BLM: variants seen among roughly 807,000 people sequenced by gnomAD.
BLM encodes recQ-like DNA helicase BLM.
In BLM, 95 loss-of-function variants were observed where a neutral mutation model predicts 135.3. The ratio of observed to expected loss-of-function variants is 0.70; its 90% CI spans 0.59 to 0.83. The LOEUF (loss-of-function observed/expected upper bound fraction) is 0.83. Among genes scored for constraint, BLM ranks in the 40% least tolerant of loss-of-function variants. The pLI is 0.00. For missense variants in BLM, 1,518 were observed against 1,663.9 expected, an observed-to-expected ratio of 0.91 and a Z score of 1.53; for synonymous variants, 520 against 589.2, an observed-to-expected ratio of 0.88 and a Z score of 1.70.
At chr15:90,776,885 C>T (rs1235330092) in intron 12 of BLM, among the ~76,000 whole-genome samples, 1 of 152,136 alleles carries the variant, frequency 6.6e-6, no homozygotes, top group African/African-American at 2.4e-5. Flanking sequence ...AAAACTGTGG[C>T]TATAGATTAG....
chr15:90,746,605 C>T (rs28384969), intron 1 of BLM, among the ~76,000 whole-genome samples: 1,664 of 152,170 alleles, frequency 0.011, 17 homozygotes, highest in Middle Eastern at 0.027. Flanking sequence ...CTAGTGTTAA[C>T]CCTGCCTCCT....
In BLM at chr15:90,769,506, G is replaced by C. The variant is rs147587050; in HGVS notation, c.2475G>C (p.Pro825=). 1.9e-6 allele frequency: 3 copies of C among 1,613,762 alleles called. No individual in the cohort carries two copies. Among genetic ancestry groups the C allele is most frequent in the African/African-American group, 1.3e-5 (1 of 74,856 alleles). Residue 825 remains proline (P), a synonymous_variant, in exon 12 of 22, where the codon CCG becomes CCC. Transcript: ENST00000355112. ...NMLRQKFPSV[P]VMALTATANP... The stretch of plus-strand genomic sequence containing the variant: ...TTCGCCAGAAGTTTCCTTCTGTTCC[G>C]GTGATGGCTCTTACGGCCACAGCTA...
At chr15:90,792,237 C>T (rs1896923933) in intron 15 of BLM, among the ~76,000 whole-genome samples, 1 of 151,932 alleles carries the variant, frequency 6.6e-6, no homozygotes, top group African/African-American at 2.4e-5. Context: ...TCCTGAGTAG[C>T]TGGGATTACA....
chr15:90,797,717 A>G (rs1230443247), intron 16 of BLM, among the ~76,000 whole-genome samples: 1 of 152,132 alleles, frequency 6.6e-6, no homozygotes, highest in Admixed American at 6.5e-5. Context: ...GGGACTCTAA[A>G]AAGTGGGCAA....
rs1555420162 is a variant in BLM, at chr15:90,763,023, T to C, written c.1940T>C (p.Leu647Pro). Residue 647 changes from leucine (L) to proline (P), a missense_variant, in exon 8 of 22, where the codon CTT becomes CCT. Coordinates refer to ENST00000355112, the MANE Select transcript of BLM (RefSeq NM_000057.4). ...RNLKHERFQS[L>P]SFPHTKEMMK... is the part of the protein sequence containing the mutation. ...CTGAAACATGAGCGTTTCCAAAGTC[T>C]TAGTTTTCCTCATACAAAGGAAATG... 1 of 1,613,854 alleles carries C rather than the reference T, an allele frequency of 6.2e-7. No homozygotes were observed. Among genetic ancestry groups the C allele is most frequent in the Non-Finnish European group, 8.5e-7 (1 of 1,179,944 alleles).
intron 14 of BLM, among the ~76,000 whole-genome samples, chr15:90,789,518 G>A (rs144608784): frequency 3.4e-4 from 52 of 152,300 alleles, no homozygotes; most frequent in Non-Finnish European, 6.0e-4. Context: ...ATCACTAGAA[G>A]CTACAATAGT....
chr15:90,746,317 A>G (rs747735714), intron 1 of BLM, among the ~76,000 whole-genome samples: 1 of 152,182 alleles, frequency 6.6e-6, no homozygotes, highest in Non-Finnish European at 1.5e-5. Context: ...TATAATTCAC[A>G]TGCCAGTGTG....
Position 90,815,006 on chromosome 15 carries a change from A to G in BLM, c.4077-96A>G. 7.8e-7 allele frequency: 1 copy of G among 1,282,772 alleles called. No homozygotes were observed. Among genetic ancestry groups the G allele is most frequent in the African/African-American group, 1.5e-5 (1 of 67,912 alleles). 79.5% of individuals were successfully genotyped at this position (1,282,772 alleles called of 1,614,324 possible). A position where few individuals can be genotyped will look rare whatever the true frequency, so the allele number is the denominator to read the frequency against. ...AAATGCACAAGGACACATTAGGCCCAGGGAAGTGGTATTGTAGCTCTGTGC... is the reference window on the plus strand; with the variant it reads ...AAATGCACAAGGACACATTAGGCCCGGGGAAGTGGTATTGTAGCTCTGTGC... On this transcript the variant is annotated intron_variant, in intron 21 of 21. Coordinates refer to ENST00000355112, the MANE Select transcript of BLM (RefSeq NM_000057.4). This position sits in a 1 kb window ranked among gnomAD's most constrained non-coding sequence, Gnocchi z 4.6.
At chr15:90,738,682 A>G (rs2151138565) in intron 1 of BLM, among the ~76,000 whole-genome samples, 1 of 152,376 alleles carries the variant, frequency 6.6e-6, no homozygotes. Context: ...GAAGATATAC[A>G]AATGGCCAAT....
chr15:90,727,577 G>A (rs1254736672), intron 1 of BLM, among the ~76,000 whole-genome samples: 1 of 152,082 alleles, frequency 6.6e-6, no homozygotes, highest in Non-Finnish European at 1.5e-5. Context: ...GGAGGAAGGT[G>A]CCTAAGTGAC....
At chr15:90,720,477 C>T (rs111236781) in intron 1 of BLM, among the ~76,000 whole-genome samples, 2,447 of 152,244 alleles carry the variant, frequency 0.016, 70 homozygotes, top group African/African-American at 0.056. Flanking sequence ...TTTTTATTTT[C>T]CATGAGTCCT....
Position 90,767,024 on chromosome 15 carries a change from G to T in BLM, c.2307+1G>T. ...ACTTCTATATGTCACTCCAGAAAAG[G>T]TTTGTATTTATATCATTATTTTAAA... On this transcript the variant is annotated splice_donor_variant, in intron 10 of 21. Transcript: ENST00000355112. LOFTEE classifies it high-confidence loss of function. The T allele has an allele frequency of 6.7e-7, 1 of 1,502,958 alleles. No homozygotes were observed. The highest frequency in any genetic ancestry group is 9.2e-7 in the Non-Finnish European group (1 of 1,084,426). 93.1% of individuals were successfully genotyped at this position (1,502,958 alleles called of 1,614,324 possible).
At chr15:90,724,415 C>T in intron 1 of BLM, among the ~76,000 whole-genome samples, 1 of 152,162 alleles carries the variant, frequency 6.6e-6, no homozygotes, top group East Asian at 1.9e-4. Flanking sequence ...TAATTCCTCA[C>T]TTCTGTCACC....
Position 90,749,510 on chromosome 15 carries a change from C to T in BLM, c.242C>T (p.Thr81Ile). ...FSFSEPLPNTTNQQRVKDFFK... is the reference protein window; with the variant it reads ...FSFSEPLPNTINQQRVKDFFK... ...TTCAGTGAACCTCTACCCAACACCACAAATCAGCAAAGGGTCAAGGACTTC... is the reference window on the plus strand; with the variant it reads ...TTCAGTGAACCTCTACCCAACACCATAAATCAGCAAAGGGTCAAGGACTTC... Residue 81 changes from threonine (T) to isoleucine (I), a missense_variant, in exon 3 of 22, where the codon ACA becomes ATA. Transcript: ENST00000355112. 1 of 1,614,020 alleles carries T rather than the reference C, an allele frequency of 6.2e-7. No homozygotes were observed. The highest frequency in any genetic ancestry group is 2.2e-5 in the East Asian group (1 of 44,886).
At chr15:90,742,998 C>CTTT (rs11306432) in intron 1 of BLM, among the ~76,000 whole-genome samples, 1 of 140,026 alleles carries the variant, frequency 7.1e-6, no homozygotes, top group South Asian at 2.3e-4. Flanking sequence ...TTTCCTGTGA[C>CTTT]TTTTTTTTTT....
intron 15 of BLM, among the ~76,000 whole-genome samples, chr15:90,792,209 A>C (rs1291873339): frequency 6.6e-6 from 1 of 151,342 alleles, no homozygotes; most frequent in Non-Finnish European, 1.5e-5. Flanking sequence ...AGATGCAAGC[A>C]GTTCTCCTGC....
chr15:90,762,924 T>C (rs1596232002), intron 7 of BLM, 42 bp from the exon 8 acceptor site: 2 of 1,543,956 alleles, frequency 1.3e-6, no homozygotes, highest in South Asian at 2.3e-5. Context: ...ACTTTCACTG[T>C]ATTCATGTAC....
intron 1 of BLM, among the ~76,000 whole-genome samples, chr15:90,727,020 A>G (rs572089327): frequency 3.9e-5 from 6 of 152,178 alleles, no homozygotes; most frequent in Non-Finnish European, 8.8e-5. Context: ...TGTTCTCCAT[A>G]GTGGCTGTAC....
intron 5 of BLM, 139 bp from the exon 6 acceptor site, chr15:90,760,008 T>C: frequency 1.4e-6 from 1 of 737,670 alleles, no homozygotes; most frequent in Non-Finnish European, 2.3e-6. Context: ...CAGGCTGGTC[T>C]TGAACTCCTG....
Sources: gnomAD v4.1 joint callset for allele counts (sites outside exome capture counted in the v4.1 genomes callset) on GRCh38, gnomAD v4.1.1 for gene constraint, Gnocchi (gnomAD v3.1) non-coding constraint, MANE v1.5 for transcripts, NCBI Gene and HGNC (gene_info 2026-07-23, HGNC 2026-07-21) for gene names.